MGAT5B: variants seen among roughly 807,000 people sequenced by gnomAD.
MGAT5B encodes alpha-1,6-mannosylglycoprotein 6-beta-N-acetylglucosaminyltransferase B, also known as N-acetylglucosaminyl-transferase Vb.
MGAT5B carries 54 observed loss-of-function variants against 95.1 expected under a neutral mutation model. The observed-to-expected ratio is 0.57, with a 90% CI of 0.46 to 0.71. The LOEUF (loss-of-function observed/expected upper bound fraction) is 0.71. Among genes scored for constraint, MGAT5B ranks in the 30% least tolerant of loss-of-function variants. The probability of loss-of-function intolerance (pLI) is 0.00; values close to 1 mark genes in which losing one functional copy is unlikely to be tolerated. For missense variants in MGAT5B, 935 were observed against 1,088.6 expected (o/e 0.86, Z 1.99); for synonymous variants, 464 against 451.0 (o/e 1.03, Z -0.36).
chr17:76,943,514 G>A (rs929257691), intron 15 of MGAT5B, among the ~76,000 whole-genome samples: 7 of 151,950 alleles, frequency 4.6e-5, no homozygotes, highest in South Asian at 4.2e-4. Flanking sequence ...ACCCAGCTTC[G>A]CGTGGGAATC....
intron 3 of MGAT5B, among the ~76,000 whole-genome samples, chr17:76,894,368 A>G (rs1967991780): frequency 6.6e-6 from 1 of 152,232 alleles, no homozygotes; most frequent in African/African-American, 2.4e-5. Flanking sequence ...GAGCATTAAG[A>G]GGGACCAGGA....
intron 3 of MGAT5B, among the ~76,000 whole-genome samples, chr17:76,900,947 G>A (rs905698046): frequency 2.0e-5 from 3 of 150,954 alleles, no homozygotes; most frequent in African/African-American, 7.4e-5. Context: ...TTGTGTGTGA[G>A]TGTGTGCGTG....
At chr17:76,874,236 T>G (rs1405045464) in intron 2 of MGAT5B, among the ~76,000 whole-genome samples, 1 of 152,088 alleles carries the variant, frequency 6.6e-6, no homozygotes, top group Non-Finnish European at 1.5e-5. Flanking sequence ...TGTGCAAAGA[T>G]AAAGCAAGGG....
intron 5 of MGAT5B, 102 bp from the exon 6 acceptor site, chr17:76,904,150 C>T (rs1244240080): frequency 4.9e-6 from 6 of 1,228,004 alleles, no homozygotes; most frequent in Admixed American, 2.4e-5. Flanking sequence ...CCACATGGGC[C>T]CCATCCTTGA....
chr17:76,882,599 G>A (rs546371), intron 3 of MGAT5B: 111,696 of 312,724 alleles, frequency 0.36, 23,851 homozygotes, highest in East Asian at 0.62. Context: ...AGTCCATTCC[G>A]AGCACATTTG....
intron 2 of MGAT5B, among the ~76,000 whole-genome samples, chr17:76,875,102 C>T (rs901441852): frequency 6.6e-6 from 1 of 152,224 alleles, no homozygotes; most frequent in Admixed American, 6.5e-5. Flanking sequence ...AGTCATTACT[C>T]ACCCAAGGAT....
chr17:76,882,109 C>A (rs765142208), intron 2 of MGAT5B, 42 bp from the exon 3 acceptor site: 9 of 1,557,618 alleles, frequency 5.8e-6, no homozygotes, highest in Non-Finnish European at 7.9e-6. Flanking sequence ...GGCCTCCAGG[C>A]TGCTCGGGCC....
In MGAT5B at chr17:76,872,786, G is replaced by A. The variant is rs536281438; in HGVS notation, c.69-65G>A. The A allele has an allele frequency of 1.4e-5, 22 of 1,613,678 alleles. No individual in the cohort carries two copies. The highest frequency in any genetic ancestry group is 2.7e-5 in the African/African-American group (2 of 74,920). On this transcript the variant is annotated intron_variant, in intron 1 of 17. Coordinates refer to ENST00000569840, the MANE Select transcript of MGAT5B (RefSeq NM_001199172.2). ...CGTAAAACATTTGTGCAGCCGGTACGTGGTGGAGCGTCAGGGCACGATGGC... is the reference window on the plus strand; with the variant it reads ...CGTAAAACATTTGTGCAGCCGGTACATGGTGGAGCGTCAGGGCACGATGGC...
intron 8 of MGAT5B, among the ~76,000 whole-genome samples, chr17:76,919,850 C>G (rs11868234): frequency 0.09 from 13,698 of 152,310 alleles, 703 homozygotes; most frequent in African/African-American, 0.13. Flanking sequence ...TCGCCACCAT[C>G]CATCTCCAGA....
rs143960603 is a variant in MGAT5B, at chr17:76,916,246, G to A, written c.1026-8720G>A. Among the ~76,000 whole-genome samples, 81 of 152,160 alleles carry A rather than the reference G, an allele frequency of 5.3e-4. No individual in the cohort carries two copies. Among genetic ancestry groups the A allele is most frequent in the East Asian group, 2.1e-3 (11 of 5,168 alleles). On this transcript the variant is annotated intron_variant, in intron 8 of 17. Transcript: ENST00000569840. This position sits in a 1 kb window ranked among gnomAD's most constrained non-coding sequence, Gnocchi z 5.3. Reference sequence around the variant, plus strand: ...AGAGACCCTTCCTTGCAAGGGCCTCGCCTCCCCTCATGCTCCACGCGCTGC... The same window carrying A: ...AGAGACCCTTCCTTGCAAGGGCCTCACCTCCCCTCATGCTCCACGCGCTGC...
Position 76,905,952 on chromosome 17 carries a change from C to A in MGAT5B, c.856-66C>A. ...CTGCCGGCTGGTCTCCTGGCCGGTG[C>A]CCCGGGGGGGCGGGGCTCAGAGCTG... On this transcript the variant is annotated intron_variant, in intron 7 of 17. Transcript: ENST00000569840. This position sits in a 1 kb window ranked among gnomAD's most constrained non-coding sequence, Gnocchi z 4.2. The A allele has an allele frequency of 6.7e-7, 1 of 1,493,290 alleles. No individual in the cohort carries two copies. The highest frequency in any genetic ancestry group is 8.9e-7 in the Non-Finnish European group (1 of 1,123,294). The allele number at this position is 1,493,290 out of a possible 1,614,324, so 92.5% of individuals were successfully genotyped here. A position where few individuals can be genotyped will look rare whatever the true frequency, so the allele number is the denominator to read the frequency against.
rs1317449602 is a variant in MGAT5B at position 76,906,357 on chromosome 17, C to T, written c.1025+170C>T. Among the ~76,000 whole-genome samples, 5 of 152,172 alleles carry T rather than the reference C, an allele frequency of 3.3e-5. No individual in the cohort carries two copies. The highest frequency in any genetic ancestry group is 7.4e-5 in the Non-Finnish European group (5 of 68,022). ...TCCGCAGGACATCACCACTCCTAATCCCCCTCCTCCTGCCCGGTCTTGGGG... is the reference window on the plus strand; with the variant it reads ...TCCGCAGGACATCACCACTCCTAATTCCCCTCCTCCTGCCCGGTCTTGGGG... On this transcript the variant is annotated intron_variant, in intron 8 of 17. Coordinates refer to ENST00000569840, the MANE Select transcript of MGAT5B (RefSeq NM_001199172.2). This position sits in a 1 kb window ranked among gnomAD's most constrained non-coding sequence, Gnocchi z 4.6.
chr17:76,872,696 C>T, intron 1 of MGAT5B, 155 bp from the exon 2 acceptor site: 1 of 1,540,136 alleles, frequency 6.5e-7, no homozygotes, highest in Non-Finnish European at 8.8e-7. Flanking sequence ...GGGGGGCCCT[C>T]CTGGGTCTGG....
rs1969575941 is a variant in MGAT5B at position 76,933,945 on chromosome 17, AAGG to A, written c.1428+651_1428+653del. ...TCATTATATCTGCATCCCAGCCAAC[AAGG>A]AGAAGGAAGGAGCAGAGCGGGACAC... On this transcript the variant is annotated intron_variant, in intron 12 of 17. Coordinates refer to ENST00000569840, the MANE Select transcript of MGAT5B (RefSeq NM_001199172.2). Among the ~76,000 whole-genome samples, 3 of 152,110 alleles carry A rather than the reference AAGG, an allele frequency of 2.0e-5. No homozygotes were observed. In the South Asian group the frequency reaches 6.2e-4, roughly 32 times the overall value.
intron 4 of MGAT5B, 45 bp downstream of exon 4, chr17:76,902,715 A>AT: frequency 1.2e-6 from 1 of 830,708 alleles, no homozygotes; most frequent in Non-Finnish European, 1.9e-6. Flanking sequence ...TAGGGGGCCA[A>AT]TGAACTGGGT....
chr17:76,932,525 GC>G (rs1785014538), intron 10 of MGAT5B, 119 bp from the exon 11 acceptor site: 4 of 1,449,762 alleles, frequency 2.8e-6, no homozygotes, highest in Non-Finnish European at 3.7e-6. Flanking sequence ...CGCACCCTGT[GC>G]CCCGCCCCCT....
chr17:76,869,572 C>A lies in MGAT5B; in HGVS notation c.68+475C>A, dbSNP rs1344746299. On this transcript the variant is annotated intron_variant, in intron 1 of 17. Transcript: ENST00000569840. The surrounding 1 kb of genome is among the most constrained non-coding windows in gnomAD (Gnocchi z 7.0). ...CCCCCAACCCCTCCGCCTGTGCCAC[C>A]CTCTCCCCAGCCTTTGGTGGCACTG... Among the ~76,000 whole-genome samples, 4 of 152,220 alleles carry A rather than the reference C, an allele frequency of 2.6e-5. No homozygotes were observed. Among genetic ancestry groups the A allele is most frequent in the Non-Finnish European group, 5.9e-5 (4 of 68,048 alleles).
chr17:76,902,824 C>T (rs1968365993), intron 4 of MGAT5B, among the ~76,000 whole-genome samples, 154 bp downstream of exon 4: 1 of 148,846 alleles, frequency 6.7e-6, no homozygotes, highest in African/African-American at 2.6e-5. Flanking sequence ...AGGCTTTCAG[C>T]AGGACAACTG....
At chr17:76,928,480 G>A (rs1276572925) in intron 10 of MGAT5B, among the ~76,000 whole-genome samples, 2 of 152,104 alleles carry the variant, frequency 1.3e-5, no homozygotes, top group Non-Finnish European at 2.9e-5. Flanking sequence ...GCTGAGGCAG[G>A]CGGATCATGA....
Sources: allele counts gnomAD v4.1 joint callset (sites outside exome capture counted in the v4.1 genomes callset), GRCh38; gene constraint gnomAD v4.1.1; non-coding constraint Gnocchi (gnomAD v3.1); transcripts MANE v1.5; gene names NCBI Gene and HGNC (gene_info 2026-07-23, HGNC 2026-07-21).